Variants in ST7 observed in about 807,000 individuals in gnomAD.
The protein encoded by ST7 is suppression of tumorigenicity 7, also known as suppressor of tumorigenicity 7 protein.
In ST7, 28 loss-of-function variants were observed where a neutral mutation model predicts 78.7. The ratio of observed to expected loss-of-function variants is 0.36; its 90% CI spans 0.26 to 0.49. The LOEUF (loss-of-function observed/expected upper bound fraction) is 0.49, where lower values mean the gene tolerates loss of function less well. ST7 is among the 20% of genes least tolerant of loss of function. The pLI, the probability that ST7 is intolerant of heterozygous loss-of-function variation, is 0.99. For missense variants in ST7, 418 were observed against 696.0 expected (o/e 0.60, Z 4.49); for synonymous variants, 247 against 249.6 (o/e 0.99, Z 0.10).
At chr7:117,002,669 G>A (rs1231402430) in intron 1 of ST7, among the ~76,000 whole-genome samples, 2 of 151,496 alleles carry the variant, frequency 1.3e-5, no homozygotes, top group African/African-American at 2.4e-5. Flanking sequence ...GTGTGTGTTT[G>A]TATGTATGTG....
intron 1 of ST7, among the ~76,000 whole-genome samples, chr7:117,031,252 G>A (rs1180502065): frequency 1.3e-5 from 2 of 151,684 alleles, no homozygotes; most frequent in African/African-American, 4.8e-5. Flanking sequence ...TTTGGGTACT[G>A]CGCTTATTAC....
chr7:117,132,679 G>GA lies in ST7; in HGVS notation c.641+731dup, dbSNP rs1172540042. 2.3e-3 allele frequency among the ~76,000 whole-genome samples: 335 copies of GA among 143,176 alleles called. 2 individuals carry two copies. The East Asian group carries it at 0.03, about 13-fold the overall frequency. 93.9% of individuals were successfully genotyped at this position (143,176 alleles called of 152,430 possible). A position where few individuals can be genotyped will look rare whatever the true frequency, so the allele number is the denominator to read the frequency against. On this transcript the variant is annotated intron_variant, in intron 6 of 15. Coordinates refer to ENST00000323984, the MANE Select transcript of ST7 (RefSeq NM_001369598.1). ...CAGAATCTTCTTCAGAGATCTTAGG[G>GA]AAAAAAAAAAAAGATTGTCGTGAGA...
intron 10 of ST7, among the ~76,000 whole-genome samples, chr7:117,174,575 A>C (rs1808226042): frequency 1.3e-5 from 2 of 152,174 alleles, no homozygotes; most frequent in Non-Finnish European, 2.9e-5. Context: ...CAGGATAAAA[A>C]CGGAGGTGGT....
intron 10 of ST7, among the ~76,000 whole-genome samples, chr7:117,175,763 G>A (rs1013249111): frequency 6.6e-6 from 1 of 152,182 alleles, no homozygotes; most frequent in Non-Finnish European, 1.5e-5. Context: ...AACAGTGTGG[G>A]ACACACAGTA....
At chr7:117,192,661 A>G (rs1387093610) in intron 12 of ST7, among the ~76,000 whole-genome samples, 2 of 152,170 alleles carry the variant, frequency 1.3e-5, no homozygotes, top group Admixed American at 6.5e-5. Flanking sequence ...TCCTAACTAG[A>G]GCCTTGCAAT....
At chr7:117,098,752 G>A in intron 1 of ST7, 1 of 1,296,114 alleles carries the variant, frequency 7.7e-7, no homozygotes, top group Admixed American at 2.3e-5. Flanking sequence ...AAACCAGACT[G>A]GATGTGATTC....
intron 1 of ST7, among the ~76,000 whole-genome samples, chr7:116,962,318 G>A (rs1275516615): frequency 6.6e-6 from 1 of 152,102 alleles, no homozygotes; most frequent in Non-Finnish European, 1.5e-5. Flanking sequence ...GGATTGCTTG[G>A]TTAAATGGTA....
intron 2 of ST7, among the ~76,000 whole-genome samples, chr7:117,106,831 A>G (rs1231556249): frequency 6.6e-6 from 1 of 152,080 alleles, no homozygotes; most frequent in South Asian, 2.1e-4. Context: ...CGTGTTAGCC[A>G]GGATGGTCTC....
chr7:117,085,877 A>G (rs1043554325), intron 1 of ST7, among the ~76,000 whole-genome samples: 3 of 152,200 alleles, frequency 2.0e-5, no homozygotes, highest in African/African-American at 7.2e-5. Flanking sequence ...AATTAGTGCC[A>G]TTCCAATAGA....
intron 1 of ST7, among the ~76,000 whole-genome samples, chr7:117,040,112 G>A (rs1418955797): frequency 6.6e-6 from 1 of 152,126 alleles, no homozygotes; most frequent in Non-Finnish European, 1.5e-5. Flanking sequence ...GGTGGCTCAC[G>A]CCTGTAATCC....
At chr7:117,177,434 G>T (rs185059102) in intron 10 of ST7, among the ~76,000 whole-genome samples, 1 of 152,230 alleles carries the variant, frequency 6.6e-6, no homozygotes, top group East Asian at 1.9e-4. Context: ...ATTTACCAAG[G>T]TAACATCCCT....
chr7:117,206,982 A>G (rs1791819604), intron 12 of ST7, among the ~76,000 whole-genome samples: 1 of 152,180 alleles, frequency 6.6e-6, no homozygotes, highest in African/African-American at 2.4e-5. Flanking sequence ...TGAATTTTTA[A>G]TTTTGTTTGG....
chr7:117,193,378 C>T (rs1171961612), intron 12 of ST7, among the ~76,000 whole-genome samples: 1 of 152,148 alleles, frequency 6.6e-6, no homozygotes, highest in Non-Finnish European at 1.5e-5. Flanking sequence ...GTTAATGTGC[C>T]AAGCACAGTG....
rs190419674 is a variant in ST7 at position 117,201,487 on chromosome 7, C to T, written c.1255-8300C>T. Among the ~76,000 whole-genome samples the T allele has an allele frequency of 5.9e-5, 9 of 152,184 alleles. No individual in the cohort carries two copies. The East Asian group carries it at 1.7e-3, about 29-fold the overall frequency. ...CCAGATCTGTTGGCCTCTTCTCAAA[C>T]CTCATCCTATTTCATCTCTCCTCAG... On this transcript the variant is annotated intron_variant, in intron 12 of 15. Transcript: ENST00000323984.
chr7:117,086,458 A>G (rs1448694413), intron 1 of ST7, among the ~76,000 whole-genome samples: 5 of 152,136 alleles, frequency 3.3e-5, no homozygotes, highest in African/African-American at 1.2e-4. Flanking sequence ...AAAACATGAA[A>G]TTTCTTTCTT....
At chr7:116,956,703 C>T (rs1033263677) in intron 1 of ST7, 14 of 465,544 alleles carry the variant, frequency 3.0e-5, no homozygotes, top group African/African-American at 6.0e-5. Flanking sequence ...AATTTTAATC[C>T]TCATTTGATC....
chr7:117,149,183 C>T (rs1416754554), intron 9 of ST7, among the ~76,000 whole-genome samples: 1 of 152,136 alleles, frequency 6.6e-6, no homozygotes, highest in African/African-American at 2.4e-5. Flanking sequence ...CTCAAGAATC[C>T]TCAGGTACAC....
chr7:117,055,772 T>C (rs1464273542), intron 1 of ST7, among the ~76,000 whole-genome samples: 3 of 152,238 alleles, frequency 2.0e-5, no homozygotes, highest in African/African-American at 7.2e-5. Context: ...AGTAGGACTT[T>C]TTGTTCCGGC....
At chr7:117,083,628 T>C (rs1360441864) in intron 1 of ST7, among the ~76,000 whole-genome samples, 1 of 152,130 alleles carries the variant, frequency 6.6e-6, no homozygotes, top group Non-Finnish European at 1.5e-5. Context: ...GTTCAATCTA[T>C]TAGGGGATTA....
Sources: gnomAD v4.1 joint callset for allele counts (sites outside exome capture counted in the v4.1 genomes callset) on GRCh38, gnomAD v4.1.1 for gene constraint, MANE v1.5 for transcripts, NCBI Gene and HGNC (gene_info 2026-07-23, HGNC 2026-07-21) for gene names.